GLIS3: variants seen among roughly 807,000 people sequenced by gnomAD.
GLIS3 encodes the protein GLIS family zinc finger 3.
Under a neutral mutation model 78.6 loss-of-function variants are expected in GLIS3, and 53 were observed. The observed-to-expected ratio is 0.67, with a 90% confidence interval of 0.54 to 0.85. GLIS3 has a LOEUF of 0.85. Among genes scored for constraint, GLIS3 ranks in the 40% least tolerant of loss-of-function variants. The pLI is 0.00. For synonymous variants in GLIS3, 684 were observed against 509.9 expected, an observed-to-expected ratio of 1.34 and a Z score of -4.60; for missense variants, 1,703 against 1,231.1, an observed-to-expected ratio of 1.38 and a Z score of -5.74.
intron 2 of GLIS3, among the ~76,000 whole-genome samples, chr9:4,341,738 A>T (rs902227251): frequency 1.3e-5 from 2 of 152,226 alleles, no homozygotes; most frequent in Non-Finnish European, 2.9e-5. Context: ...ATGAACAAGC[A>T]ATCAGTTCTA....
chr9:4,371,111 A>C, the GLIS3 span, among the ~76,000 whole-genome samples: 1 of 152,178 alleles, frequency 6.6e-6, no homozygotes, highest in Admixed American at 6.5e-5. Flanking sequence ...AAAAAAATAT[A>C]ATTTTTTGGT....
chr9:4,081,259 CCCTCCTAGCCAGG>C (rs2130699608), intron 4 of GLIS3: 1 of 152,374 alleles, frequency 6.6e-6, no homozygotes, highest in African/African-American at 2.4e-5. Context: ...AGCATCTGGA[CCCTCCTAGCCAGG>C]CCTCTGCAGT....
chr9:3,901,718 G>A (rs1823318268), intron 6 of GLIS3, among the ~76,000 whole-genome samples: 1 of 152,312 alleles, frequency 6.6e-6, no homozygotes, highest in Non-Finnish European at 1.5e-5. Flanking sequence ...GGTAGTGACT[G>A]AGACATCACT....
the GLIS3 span, among the ~76,000 whole-genome samples, chr9:4,428,943 A>C: frequency 6.6e-6 from 1 of 152,126 alleles, no homozygotes; most frequent in Non-Finnish European, 1.5e-5. Flanking sequence ...AGGCTAATTA[A>C]TTTTACTTTC....
At chr9:3,994,875 A>G (rs746532651) in intron 4 of GLIS3, among the ~76,000 whole-genome samples, 82 of 151,788 alleles carry the variant, frequency 5.4e-4, no homozygotes, top group Non-Finnish European at 2.1e-4. Flanking sequence ...CCCTACAGAT[A>G]AAGTGAGGGA....
rs759931240 is a variant in GLIS3 at position 3,828,332 on chromosome 9, C to T, written c.2733G>A (p.Leu911=). ...LRSGAEDATF[L]QISTVDRCPS... ...GACAGCGGTCCACGGTGCTGATCTGCAAGAAGGTAGCATCTTCAGCCCCGC... is the reference window on the plus strand; with the variant it reads ...GACAGCGGTCCACGGTGCTGATCTGTAAGAAGGTAGCATCTTCAGCCCCGC... The change falls in exon 11 of 11, where the codon TTG becomes TTA. Residue 911 remains leucine, a synonymous_variant. Coordinates refer to ENST00000381971, the MANE Select transcript of GLIS3 (RefSeq NM_001042413.2). 2 of 1,614,042 alleles carry T rather than the reference C, an allele frequency of 1.2e-6. No individual in the cohort carries two copies. The highest frequency in any genetic ancestry group is 1.7e-6 in the Non-Finnish European group (2 of 1,180,012).
At chr9:4,204,694 G>GC (rs1819701981) in intron 2 of GLIS3, among the ~76,000 whole-genome samples, 2 of 151,786 alleles carry the variant, frequency 1.3e-5, no homozygotes, top group Admixed American at 1.3e-4. Flanking sequence ...GAGGCGGGCA[G>GC]ACTGCCTGAG....
intron 4 of GLIS3, among the ~76,000 whole-genome samples, chr9:4,066,657 T>C (rs907031150): frequency 6.6e-6 from 1 of 152,258 alleles, no homozygotes; most frequent in African/African-American, 2.4e-5. Flanking sequence ...TTCTTTGTCC[T>C]GCTCTGCCGT....
Position 3,879,501 on chromosome 9 carries a change from A to G in GLIS3, c.2223T>C (p.His741=), listed in dbSNP as rs746360951. 19 of 1,613,986 alleles carry G rather than the reference A, an allele frequency of 1.2e-5. No individual in the cohort carries two copies. Among genetic ancestry groups the G allele is most frequent in the Non-Finnish European group, 1.5e-5 (18 of 1,180,004 alleles). ...GGTTGTGAGGGCTCCCCTGTACATT[A>G]TGTCCTGGAGAAGGGTGACTGACAG... is the stretch of plus-strand genomic sequence containing the variant. ...PHPVSHPSPG[H]NVQGSPHNPS... is the part of the protein sequence containing the mutation. The change falls in exon 8 of 11, where the codon CAT becomes CAC. Residue 741 remains histidine (H), a synonymous_variant. Transcript: ENST00000381971.
At chr9:3,841,920 C>T (rs941432963) in intron 9 of GLIS3, among the ~76,000 whole-genome samples, 1 of 152,204 alleles carries the variant, frequency 6.6e-6, no homozygotes, top group African/African-American at 2.4e-5. Context: ...TTCTATCAGT[C>T]ATTTTCCCAT....
At chr9:4,448,375 T>C in the GLIS3 span, among the ~76,000 whole-genome samples, 1 of 152,184 alleles carries the variant, frequency 6.6e-6, no homozygotes, top group South Asian at 2.1e-4. Flanking sequence ...CCCATGCTTG[T>C]GAGCACAGAG....
chr9:4,204,789 C>T (rs1434602104), intron 2 of GLIS3, among the ~76,000 whole-genome samples: 1 of 152,098 alleles, frequency 6.6e-6, no homozygotes, highest in Non-Finnish European at 1.5e-5. Flanking sequence ...TGGCAGGCAC[C>T]TGTAATCCCA....
intron 2 of GLIS3, among the ~76,000 whole-genome samples, chr9:4,332,720 G>A (rs897722173): frequency 5.3e-5 from 8 of 152,144 alleles, no homozygotes; most frequent in Non-Finnish European, 1.0e-4. Context: ...GCTAATAGGC[G>A]GGAGTCAGCC....
chr9:4,284,129 C>G (rs1236913468), intron 2 of GLIS3, among the ~76,000 whole-genome samples: 1 of 152,230 alleles, frequency 6.6e-6, no homozygotes, highest in African/African-American at 2.4e-5. Flanking sequence ...AAGCTCCTTA[C>G]TGGCTGGTGC....
the GLIS3 span, among the ~76,000 whole-genome samples, chr9:4,439,636 T>C: frequency 2.2e-3 from 333 of 152,360 alleles, 2 homozygotes; most frequent in Admixed American, 3.7e-3. Flanking sequence ...TGAGATCAGC[T>C]TGTTTAGATT....
intron 2 of GLIS3, among the ~76,000 whole-genome samples, chr9:4,202,151 TC>T (rs1819457711): frequency 2.4e-5 from 1 of 41,950 alleles, no homozygotes; most frequent in African/African-American, 1.0e-4. Context: ...TCCCCCTTTT[TC>T]TTTTTTTTTT....
At chr9:3,857,019 T>C (rs1041897308) in intron 8 of GLIS3, among the ~76,000 whole-genome samples, 3 of 152,234 alleles carry the variant, frequency 2.0e-5, no homozygotes, top group African/African-American at 7.2e-5. Flanking sequence ...AGTTTATGCT[T>C]TCTAACATTG....
intron 8 of GLIS3, among the ~76,000 whole-genome samples, chr9:3,856,472 C>T (rs1040111313): frequency 6.6e-6 from 1 of 152,202 alleles, no homozygotes; most frequent in Non-Finnish European, 1.5e-5. Flanking sequence ...TTCAAATACA[C>T]TATGTTTGGT....
At chr9:3,923,757 T>C (rs1189127600) in intron 6 of GLIS3, among the ~76,000 whole-genome samples, 1 of 152,150 alleles carries the variant, frequency 6.6e-6, no homozygotes, top group Non-Finnish European at 1.5e-5. Flanking sequence ...GCAGGATGGA[T>C]GAGGTGACAT....
Sources: allele counts gnomAD v4.1 joint callset (sites outside exome capture counted in the v4.1 genomes callset), GRCh38; gene constraint gnomAD v4.1.1; transcripts MANE v1.5; gene names NCBI Gene and HGNC (gene_info 2026-07-23, HGNC 2026-07-21).